Variants in CSMD1 observed in about 807,000 individuals in gnomAD.
CSMD1 encodes CUB and sushi domain-containing protein 1.
CSMD1 carries 213 observed loss-of-function variants against 417.5 expected under a neutral mutation model. The ratio of observed to expected loss-of-function variants is 0.51; its 90% confidence interval spans 0.46 to 0.57. The LOEUF (loss-of-function observed/expected upper bound fraction) is 0.57. CSMD1 is among the 20% of genes least tolerant of loss of function. The pLI, the probability that CSMD1 is intolerant of heterozygous loss-of-function variation, is 0.00. For synonymous variants in CSMD1, 2,862 were observed against 1,736.8 expected, an observed-to-expected ratio of 1.65 and a Z score of -16.11; for missense variants, 6,923 against 4,529.7, an observed-to-expected ratio of 1.53 and a Z score of -15.17.
At chr8:4,874,032 C>G (rs917833595) in intron 1 of CSMD1, among the ~76,000 whole-genome samples, 1 of 152,104 alleles carries the variant, frequency 6.6e-6, no homozygotes, top group Non-Finnish European at 1.5e-5. Context: ...AGTCTATCAT[C>G]TATCTATCTG....
At chr8:3,002,807 G>A (rs942845158) in intron 52 of CSMD1, among the ~76,000 whole-genome samples, 4 of 152,208 alleles carry the variant, frequency 2.6e-5, no homozygotes, top group African/African-American at 4.8e-5. Context: ...AGCCATGACT[G>A]TAAATAAAGA....
chr8:3,226,982 A>G (rs1798543055), intron 27 of CSMD1, among the ~76,000 whole-genome samples: 1 of 152,224 alleles, frequency 6.6e-6, no homozygotes, highest in Admixed American at 6.5e-5. Context: ...TGCCAATTAA[A>G]ACAAGACATC....
intron 3 of CSMD1, among the ~76,000 whole-genome samples, chr8:4,221,073 G>C (rs1292586113): frequency 6.6e-6 from 1 of 152,108 alleles, no homozygotes; most frequent in Non-Finnish European, 1.5e-5. Context: ...ACTTTAGTTT[G>C]GGGAAATCAC....
At chr8:3,245,435 C>G (rs950307591) in intron 26 of CSMD1, among the ~76,000 whole-genome samples, 1 of 152,170 alleles carries the variant, frequency 6.6e-6, no homozygotes, top group Admixed American at 6.5e-5. Context: ...GTTTAGAAAA[C>G]CTACAACTGG....
At chr8:4,316,603 A>G (rs1277755984) in intron 3 of CSMD1, among the ~76,000 whole-genome samples, 1 of 152,128 alleles carries the variant, frequency 6.6e-6, no homozygotes, top group Non-Finnish European at 1.5e-5. Context: ...CTTGGTGTAG[A>G]CATCAGAGAC....
At chr8:4,021,027 C>T (rs564723580) in intron 4 of CSMD1, among the ~76,000 whole-genome samples, 9 of 152,208 alleles carry the variant, frequency 5.9e-5, no homozygotes, top group South Asian at 2.1e-4. Context: ...AACCCTACAA[C>T]GTAAGTGAGA....
intron 5 of CSMD1, among the ~76,000 whole-genome samples, chr8:3,904,239 T>C (rs1807958001): frequency 6.6e-6 from 1 of 152,170 alleles, no homozygotes; most frequent in South Asian, 2.1e-4. Context: ...TGAGTTAGGG[T>C]AGAGACGAAT....
chr8:4,518,084 T>A (rs1262212120), intron 2 of CSMD1, among the ~76,000 whole-genome samples: 3 of 152,220 alleles, frequency 2.0e-5, no homozygotes, highest in African/African-American at 7.2e-5. Context: ...ATGTCTAATA[T>A]CATCCAAAAA....
At chr8:3,317,823 T>C (rs1464919014) in intron 23 of CSMD1, among the ~76,000 whole-genome samples, 1 of 152,218 alleles carries the variant, frequency 6.6e-6, no homozygotes, top group Admixed American at 6.5e-5. Context: ...TTTAATGTTA[T>C]TTTTTGAGAC....
chr8:3,859,115 G>C (rs1804514538), intron 5 of CSMD1, among the ~76,000 whole-genome samples: 3 of 152,120 alleles, frequency 2.0e-5, no homozygotes. Flanking sequence ...GAAGCTCTGA[G>C]TACTATGATT....
At chr8:4,258,361 G>C (rs1421643672) in intron 3 of CSMD1, among the ~76,000 whole-genome samples, 1 of 32,112 alleles carries the variant, frequency 3.1e-5, no homozygotes, top group Non-Finnish European at 6.1e-5. Flanking sequence ...AAGAGAAGGA[G>C]GGAAGGAGGG....
At chr8:4,901,040 A>G (rs984016733) in intron 1 of CSMD1, among the ~76,000 whole-genome samples, 2 of 152,154 alleles carry the variant, frequency 1.3e-5, no homozygotes, top group Admixed American at 1.3e-4. Flanking sequence ...AACAAATTAA[A>G]CTATTGTCAA....
At chr8:4,373,242 G>C (rs978926765) in intron 3 of CSMD1, among the ~76,000 whole-genome samples, 8 of 152,162 alleles carry the variant, frequency 5.3e-5, no homozygotes, top group Non-Finnish European at 1.2e-4. Flanking sequence ...CCAGCCAAGA[G>C]GAGCCTACGA....
At chr8:4,157,584 T>G (rs950936042) in intron 3 of CSMD1, among the ~76,000 whole-genome samples, 3 of 152,180 alleles carry the variant, frequency 2.0e-5, no homozygotes, top group Non-Finnish European at 4.4e-5. Context: ...TAAGACCCTC[T>G]GCCGGTCATG....
Position 3,511,907 on chromosome 8 carries a change from TAA to T in CSMD1, c.1345-18183_1345-18182del, listed in dbSNP as rs33926203. Among the ~76,000 whole-genome samples, 1,095 of 143,424 alleles carry T rather than the reference TAA, an allele frequency of 7.6e-3. 16 individuals are homozygous for T. The highest frequency in any genetic ancestry group is 0.022 in the African/African-American group (862 of 39,168). The allele number at this position is 143,424 out of a possible 152,430, so 94.1% of individuals were successfully genotyped here. A position where few individuals can be genotyped will look rare whatever the true frequency, so the allele number is the denominator to read the frequency against. ...TTGCGTTTTTGTTAGAAAGTCAAAT[TAA>T]AAAAAAAAAAACGGTTGTTATATGA... On this transcript the variant is annotated intron_variant, in intron 10 of 69. Coordinates refer to ENST00000635120, the MANE Select transcript of CSMD1 (RefSeq NM_033225.6).
rs550909373 is a variant in CSMD1, at chr8:3,349,736, TATAA to T, written c.3305-1579_3305-1576del. On this transcript the variant is annotated intron_variant, in intron 21 of 69. Coordinates refer to ENST00000635120, the MANE Select transcript of CSMD1 (RefSeq NM_033225.6). ...CGAGTAGGTGTATATATCTATAATA[TATAA>T]ATACTTTATATAGTTATAGCTATAA... Among the ~76,000 whole-genome samples the T allele has an allele frequency of 2.5e-3, 367 of 147,108 alleles. 3 individuals carry two copies. Among genetic ancestry groups the T allele is most frequent in the African/African-American group, 8.8e-3 (354 of 40,270 alleles).
At chr8:4,825,326 C>A (rs1270338823) in intron 1 of CSMD1, among the ~76,000 whole-genome samples, 1 of 152,056 alleles carries the variant, frequency 6.6e-6, no homozygotes, top group African/African-American at 2.4e-5. Context: ...TTATCCTGCA[C>A]AGATATTTTC....
intron 6 of CSMD1, among the ~76,000 whole-genome samples, chr8:3,714,485 G>A (rs1801710501): frequency 6.8e-6 from 1 of 145,994 alleles, no homozygotes; most frequent in Non-Finnish European, 1.5e-5. Context: ...CACTTTGGGA[G>A]GCTGAGACAG....
At chr8:4,764,035 T>C (rs1812285750) in intron 1 of CSMD1, among the ~76,000 whole-genome samples, 1 of 152,186 alleles carries the variant, frequency 6.6e-6, no homozygotes, top group South Asian at 2.1e-4. Context: ...AGCTGCTAGA[T>C]GCCCATGAAT....
Sources: allele counts gnomAD v4.1 joint callset (sites outside exome capture counted in the v4.1 genomes callset), GRCh38; gene constraint gnomAD v4.1.1; transcripts MANE v1.5; gene names NCBI Gene and HGNC (gene_info 2026-07-23, HGNC 2026-07-21).